The following RAI1 variants were observed in gnomAD, a reference collection of about 807,000 sequenced individuals.
RAI1 encodes retinoic acid induced 1, also known as retinoic acid-induced protein 1.
In RAI1, 9 loss-of-function variants were observed where a neutral mutation model predicts 123.8. The ratio of observed to expected loss-of-function variants is 0.07; its 90% CI spans 0.04 to 0.13. The LOEUF (loss-of-function observed/expected upper bound fraction) is 0.13. Ranked by LOEUF, RAI1 falls within the 10% of genes least tolerant of loss-of-function variation. The pLI is 1.00. For synonymous variants in RAI1, 1,231 were observed against 1,127.3 expected (o/e 1.09, Z -1.84); for missense variants, 2,256 against 2,545.8 (o/e 0.89, Z 2.45).
rs751888195 is a variant in RAI1, at chr17:17,797,792, A to G, written c.4844A>G (p.Asn1615Ser). The change falls in exon 3 of 6, where the codon AAC becomes AGC. Residue 1615 changes from asparagine to serine, a missense_variant. Physicochemically the swap from Asn to Ser is conservative, Grantham distance 46. This residue lies in a region of RAI1 where 410 missense variants were observed against 374.6 expected (regional missense o/e 1.09). Coordinates refer to ENST00000353383, the MANE Select transcript of RAI1 (RefSeq NM_030665.4). ...DAFTTICTVV[N>S]SPGDAPKPHR... ...TTCACCACCATATGCACTGTTGTCA[A>G]CTCCCCTGGAGATGCGCCCAAGCCC... The G allele has an allele frequency of 9.9e-6, 16 of 1,613,178 alleles. No homozygotes were observed. The highest frequency in any genetic ancestry group is 2.7e-5 in the African/African-American group (2 of 74,612).
chr17:17,693,960 C>T (rs1914924234), intron 1 of RAI1, among the ~76,000 whole-genome samples: 1 of 152,196 alleles, frequency 6.6e-6, no homozygotes, highest in Non-Finnish European at 1.5e-5. Flanking sequence ...CAGATCTGGG[C>T]TTGTTTGCCC....
intron 1 of RAI1, among the ~76,000 whole-genome samples, chr17:17,720,961 G>C (rs985318281): frequency 2.6e-5 from 4 of 152,132 alleles, no homozygotes; most frequent in Non-Finnish European, 5.9e-5. Context: ...CAAATGACAG[G>C]CTCTGCCCTT....
chr17:17,699,621 C>T (rs922313454), intron 1 of RAI1, among the ~76,000 whole-genome samples: 2 of 4,304 alleles, frequency 4.6e-4, no homozygotes, highest in South Asian at 7.5e-3. Flanking sequence ...CATCCATTGT[C>T]GGGGGGCCGG....
rs751326129 is a variant in RAI1, at chr17:17,809,950, C to T, written c.5710-20C>T. 1.1e-4 allele frequency: 164 copies of T among 1,558,772 alleles called. No individual in the cohort carries two copies. The highest frequency in any genetic ancestry group is 1.3e-4 in the Non-Finnish European group (152 of 1,153,404). ...GAAGTCCGAGGTCGTCGGTAACTGGCGGGCGGGCGTCTTTTGCAGAGGCTG... is the reference window on the plus strand; with the variant it reads ...GAAGTCCGAGGTCGTCGGTAACTGGTGGGCGGGCGTCTTTTGCAGAGGCTG... On this transcript the variant is annotated intron_variant, in intron 5 of 5. Transcript: ENST00000353383. The surrounding 1 kb of genome is among the most constrained non-coding windows in gnomAD (Gnocchi z 4.9).
intron 1 of RAI1, among the ~76,000 whole-genome samples, chr17:17,700,976 G>A (rs887086007): frequency 2.6e-5 from 4 of 152,198 alleles, no homozygotes; most frequent in African/African-American, 9.7e-5. Context: ...ACCTCGCAGA[G>A]ACCCCAGATG....
At position 17,793,105 on chromosome 17, in the gene RAI1, C is replaced by G; in HGVS notation, c.157C>G (p.Pro53Ala). Reference sequence around the variant, plus strand: ...GCTGCTCGCCAAGGACTATTATAACCCGCAGCCTTACCCGAGCTATGAGGG... The same window carrying G: ...GCTGCTCGCCAAGGACTATTATAACGCGCAGCCTTACCCGAGCTATGAGGG... ...QRLLAKDYYN[P>A]QPYPSYEGGA... The change falls in exon 3 of 6, where the codon CCG becomes GCG. Residue 53 changes from proline (P) to alanine (A), a missense_variant. By Grantham distance (27) the Pro-to-Ala change is conservative. Around this residue, in one of 7 missense-constraint regions of RAI1, gnomAD observed 336 missense variants for 349.8 expected, o/e 0.96. Coordinates refer to ENST00000353383, the MANE Select transcript of RAI1 (RefSeq NM_030665.4). 9 of 1,614,120 alleles carry G rather than the reference C, an allele frequency of 5.6e-6. No homozygotes were observed. The highest frequency in any genetic ancestry group is 7.6e-6 in the Non-Finnish European group (9 of 1,180,030).
intron 2 of RAI1, among the ~76,000 whole-genome samples, chr17:17,757,668 G>T (rs1374848544): frequency 6.6e-6 from 1 of 152,186 alleles, no homozygotes; most frequent in Non-Finnish European, 1.5e-5. Context: ...AGGGAAGTTA[G>T]GACTCGCATT....
Position 17,801,043 on chromosome 17 carries a change from C to T in RAI1, c.5565+2530C>T, listed in dbSNP as rs2032444772. On this transcript the variant is annotated intron_variant, in intron 3 of 5. Coordinates refer to ENST00000353383, the MANE Select transcript of RAI1 (RefSeq NM_030665.4). This position sits in a 1 kb window ranked among gnomAD's most constrained non-coding sequence, Gnocchi z 4.1. ...TGTGTCCCTGGCCCCAGCACTGCCA[C>T]ACCCCTCGGTACCTTGACCTCACTT... 6.6e-6 allele frequency among the ~76,000 whole-genome samples: 1 copy of T among 152,214 alleles called. No individual in the cohort carries two copies. The highest frequency in any genetic ancestry group is 2.1e-4 in the South Asian group (1 of 4,834).
At chr17:17,748,018 C>T (rs531649897) in intron 2 of RAI1, among the ~76,000 whole-genome samples, 2 of 152,322 alleles carry the variant, frequency 1.3e-5, no homozygotes, top group Non-Finnish European at 2.9e-5. Context: ...GAGCTGTGAT[C>T]GTGCGACTGC....
chr17:17,794,060 C>A lies in RAI1; in HGVS notation c.1112C>A (p.Pro371His). 6.2e-7 allele frequency: 1 copy of A among 1,614,034 alleles called. No homozygotes were observed. Among genetic ancestry groups the A allele is most frequent in the South Asian group, 1.1e-5 (1 of 91,084 alleles). The change falls in exon 3 of 6, where the codon CCC becomes CAC. Residue 371 changes from proline (P) to histidine (H), a missense_variant. Physicochemically the swap from Pro to His is moderately conservative, Grantham distance 77. This residue lies in a region of RAI1 where 357 missense variants were observed against 480.2 expected (regional missense o/e 0.74). Coordinates refer to ENST00000353383, the MANE Select transcript of RAI1 (RefSeq NM_030665.4). Reference sequence around the variant, plus strand: ...CTGATGCCAAACCTGGAGAACTTTCCCTACAGCCAGCAGCCGCTCAGCACC... The same window carrying A: ...CTGATGCCAAACCTGGAGAACTTTCACTACAGCCAGCAGCCGCTCAGCACC... ...SPLMPNLENF[P>H]YSQQPLSTGA...
At chr17:17,708,773 G>A (rs1002559575) in intron 1 of RAI1, among the ~76,000 whole-genome samples, 7 of 152,198 alleles carry the variant, frequency 4.6e-5, no homozygotes, top group Non-Finnish European at 8.8e-5. Flanking sequence ...GAAGACTGTG[G>A]TCCCAGTCAC....
chr17:17,785,552 G>T (rs890457759), intron 2 of RAI1, among the ~76,000 whole-genome samples: 1 of 152,202 alleles, frequency 6.6e-6, no homozygotes, highest in Non-Finnish European at 1.5e-5. Context: ...CCACCAAGGA[G>T]CCTGGCGGGG....
chr17:17,785,787 TC>T (rs1467598827), intron 2 of RAI1, among the ~76,000 whole-genome samples: 2 of 152,150 alleles, frequency 1.3e-5, no homozygotes, highest in African/African-American at 4.8e-5. Flanking sequence ...TCTGTGCTGG[TC>T]CCAGAGCTTC....
rs1263219234 is a variant in RAI1, at chr17:17,810,834, C to G, written c.*853C>G. ...GCGGACGCGCGACCGTTGTGCACCA[C>G]CAGGGACCGCCGCGCCTACTCTGCA... is the stretch of plus-strand genomic sequence containing the variant. On this transcript the variant is annotated 3_prime_UTR_variant, in exon 6 of 6. Transcript: ENST00000353383. The surrounding 1 kb of genome is among the most constrained non-coding windows in gnomAD (Gnocchi z 4.6). 3 of 453,616 alleles carry G rather than the reference C, an allele frequency of 6.6e-6. No individual in the cohort carries two copies. The highest frequency in any genetic ancestry group is 1.3e-5 in the Non-Finnish European group (3 of 224,698). The allele number at this position is 453,616 out of a possible 1,614,324, so 28.1% of individuals were successfully genotyped here.
In RAI1 at chr17:17,800,835, G is replaced by A. The variant is rs573688786; in HGVS notation, c.5565+2322G>A. ...CTTCCTGCCTCAGTGGCTTGGGGGC[G>A]CCATGCTCCTTGGAGTGAGACCCTG... On this transcript the variant is annotated intron_variant, in intron 3 of 5. Transcript: ENST00000353383. The surrounding 1 kb of genome is among the most constrained non-coding windows in gnomAD (Gnocchi z 4.7). Among the ~76,000 whole-genome samples, 9 of 152,344 alleles carry A rather than the reference G, an allele frequency of 5.9e-5. No homozygotes were observed. Among genetic ancestry groups the A allele is most frequent in the Middle Eastern group, 3.4e-3 (1 of 294 alleles).
At chr17:17,718,080 C>A (rs1200629537) in intron 1 of RAI1, among the ~76,000 whole-genome samples, 1 of 152,152 alleles carries the variant, frequency 6.6e-6, no homozygotes, top group African/African-American at 2.4e-5. Context: ...CACCAGCATT[C>A]CTGTGCAGAC....
intron 1 of RAI1, among the ~76,000 whole-genome samples, chr17:17,687,897 G>A (rs1914693178): frequency 6.6e-6 from 1 of 151,850 alleles, no homozygotes; most frequent in African/African-American, 2.4e-5. Context: ...AGGTGTGGTG[G>A]CCCATGCCTG....
At position 17,793,600 on chromosome 17, in the gene RAI1, A is replaced by C. The variant is rs765872377; in HGVS notation, c.652A>C (p.Thr218Pro). 3 of 1,612,228 alleles carry C rather than the reference A, an allele frequency of 1.9e-6. No individual in the cohort carries two copies. The highest frequency in any genetic ancestry group is 2.5e-6 in the Non-Finnish European group (3 of 1,179,712). Residue 218 changes from threonine (T) to proline (P), a missense_variant, in exon 3 of 6, where the codon ACC (threonine) becomes CCC (proline). By Grantham distance (38) the Thr-to-Pro change is conservative. Around this residue, in one of 7 missense-constraint regions of RAI1, gnomAD observed 336 missense variants for 349.8 expected, o/e 0.96. Coordinates refer to ENST00000353383, the MANE Select transcript of RAI1 (RefSeq NM_030665.4). ...HFPQHSQSFP[T>P]SSTYSSSVQG... The stretch of plus-strand genomic sequence containing the variant: ...TCCTCAGCATTCCCAGTCCTTCCCC[A>C]CCTCCTCCACCTACTCCTCCTCTGT...
intron 2 of RAI1, among the ~76,000 whole-genome samples, chr17:17,728,045 C>CTG (rs143414744): frequency 1.8e-4 from 27 of 151,328 alleles, no homozygotes; most frequent in Admixed American, 3.3e-4. Context: ...ATGCGTGCCT[C>CTG]TGTGTGTGTG....
Sources: gnomAD v4.1 joint callset for allele counts (sites outside exome capture counted in the v4.1 genomes callset) on GRCh38, gnomAD v4.1.1 for gene constraint, gnomAD v4.1.1 regional missense constraint, Gnocchi (gnomAD v3.1) non-coding constraint, MANE v1.5 for transcripts, NCBI Gene and HGNC (gene_info 2026-07-23, HGNC 2026-07-21) for gene names.